Variants in C13orf42 observed in about 807,000 individuals in gnomAD.
C13orf42 encodes the protein uncharacterized protein C13orf42.
intron 1 of C13orf42, among the ~76,000 whole-genome samples, chr13:51,154,146 G>A (rs910750975): frequency 9.2e-5 from 14 of 152,102 alleles, no homozygotes; most frequent in African/African-American, 2.2e-4. Flanking sequence ...GGGGTTCTTC[G>A]TGAGTAGCAT....
intron 1 of C13orf42, among the ~76,000 whole-genome samples, chr13:51,098,554 C>T (rs763838086): frequency 6.6e-6 from 1 of 152,134 alleles, no homozygotes; most frequent in Non-Finnish European, 1.5e-5. Flanking sequence ...GACCAATGAT[C>T]CTCAACCTCT....
chr13:51,143,405 G>T (rs935687857), intron 1 of C13orf42, among the ~76,000 whole-genome samples: 12 of 152,244 alleles, frequency 7.9e-5, no homozygotes, highest in African/African-American at 1.7e-4. Context: ...AGTATATGGA[G>T]CCCTGTGTCA....
At chr13:51,103,635 A>T (rs964499279) in intron 1 of C13orf42, among the ~76,000 whole-genome samples, 1 of 152,156 alleles carries the variant, frequency 6.6e-6, no homozygotes, top group Non-Finnish European at 1.5e-5. Context: ...CGGGAGGCAG[A>T]GGTTGCAGCA....
intron 1 of C13orf42, among the ~76,000 whole-genome samples, chr13:51,153,830 C>T (rs1294046151): frequency 2.6e-5 from 4 of 151,714 alleles, no homozygotes; most frequent in African/African-American, 9.7e-5. Context: ...GAAAGGATTT[C>T]GCCATGTTGT....
upstream of C13orf42, chr13:51,113,090 A>C (rs1953451079): frequency 6.6e-6 from 1 of 152,234 alleles, no homozygotes; most frequent in Non-Finnish European, 1.5e-5. Context: ...TAAATCAATA[A>C]AAATGAAGTC....
intron 1 of C13orf42, chr13:51,161,848 T>C (rs936249741): frequency 2.2e-6 from 1 of 447,728 alleles, no homozygotes; most frequent in African/African-American, 2.0e-5. Flanking sequence ...TCCACAGCAC[T>C]CTCAGAGCCC....
At chr13:51,090,164 C>A (rs1953167639) in intron 1 of C13orf42, among the ~76,000 whole-genome samples, 1 of 152,144 alleles carries the variant, frequency 6.6e-6, no homozygotes, top group South Asian at 2.1e-4. Flanking sequence ...GGTAGGTCCA[C>A]ACTTGTTTAT....
rs1953075571 is a variant in C13orf42 at position 51,082,495 on chromosome 13, T to G, written c.*1656A>C. On this transcript the variant is annotated 3_prime_UTR_variant, in exon 4 of 4. Coordinates refer to ENST00000563710, the MANE Select transcript of C13orf42 (RefSeq NM_001351589.3). ...TCACCACATAATTTCAGGGTGGATC[T>G]ATGATAAACTGTAGTTTGATAAGAG... is the stretch of plus-strand genomic sequence containing the variant. The G allele has an allele frequency of 6.6e-6, 1 of 152,236 alleles. No homozygotes were observed. Among genetic ancestry groups the G allele is most frequent in the Non-Finnish European group, 1.5e-5 (1 of 68,036 alleles). The allele number at this position is 152,236 out of a possible 1,614,324, so 9.4% of individuals were successfully genotyped here. A position where few individuals can be genotyped will look rare whatever the true frequency, so the allele number is the denominator to read the frequency against.
At chr13:51,119,709 T>C (rs9596458) in intron 1 of C13orf42, among the ~76,000 whole-genome samples, 14,508 of 151,976 alleles carry the variant, frequency 0.095, 1,035 homozygotes, top group South Asian at 0.27. Context: ...GTAATGAAAT[T>C]CATAGAGACA....
Position 51,110,897 on chromosome 13 carries a change from C to T in C13orf42, c.313G>A (p.Asp105Asn). The T allele has an allele frequency of 2.5e-6, 1 of 398,650 alleles. No individual in the cohort carries two copies. Among genetic ancestry groups the T allele is most frequent in the Non-Finnish European group, 4.4e-6 (1 of 226,066 alleles). 24.7% of individuals were successfully genotyped at this position (398,650 alleles called of 1,614,324 possible). ...CCCTGGGTGCGGTGGGGCTTCAGAT[C>T]ACTGAAGCTGCTGAGATATTTTTTG... ...LRKKYLSSFS[D>N]LKPHRTQGIS... The change falls in exon 1 of 4, where the codon GAT becomes AAT. Residue 105 changes from aspartate (D) to asparagine (N), a missense_variant. Transcript: ENST00000563710.
intron 1 of C13orf42, among the ~76,000 whole-genome samples, chr13:51,148,487 G>A (rs1346328019): frequency 6.6e-6 from 1 of 152,230 alleles, no homozygotes; most frequent in Non-Finnish European, 1.5e-5. Context: ...ACAGGGAGGT[G>A]ACATTTCAGT....
At chr13:51,148,125 G>A (rs544544500) in intron 1 of C13orf42, among the ~76,000 whole-genome samples, 2 of 152,294 alleles carry the variant, frequency 1.3e-5, no homozygotes, top group South Asian at 2.1e-4. Flanking sequence ...TGTGATTTCC[G>A]TAAAATCCCA....
intron 1 of C13orf42, among the ~76,000 whole-genome samples, chr13:51,119,197 G>A (rs755595789): frequency 1.1e-4 from 16 of 152,012 alleles, no homozygotes; most frequent in Non-Finnish European, 1.9e-4. Context: ...TGTATGGCAC[G>A]CCCTGTGGCT....
At chr13:51,160,299 G>A (rs935221251) in intron 1 of C13orf42, among the ~76,000 whole-genome samples, 1 of 152,196 alleles carries the variant, frequency 6.6e-6, no homozygotes, top group Admixed American at 6.5e-5. Flanking sequence ...GATCACCTGA[G>A]GTCAGGAGTT....
chr13:51,121,693 G>A (rs1395422564), intron 1 of C13orf42, among the ~76,000 whole-genome samples: 1 of 151,942 alleles, frequency 6.6e-6, no homozygotes, highest in Non-Finnish European at 1.5e-5. Flanking sequence ...GTGCCACCAC[G>A]CCTGGCTAAT....
chr13:51,160,457 C>T (rs1953855724), intron 1 of C13orf42, among the ~76,000 whole-genome samples: 3 of 152,148 alleles, frequency 2.0e-5, no homozygotes, highest in Non-Finnish European at 2.9e-5. Flanking sequence ...TGCAGTGAGC[C>T]GTGATTGCAC....
chr13:51,090,076 G>A (rs1953166836), intron 1 of C13orf42, among the ~76,000 whole-genome samples: 1 of 152,036 alleles, frequency 6.6e-6, no homozygotes, highest in Non-Finnish European at 1.5e-5. Flanking sequence ...AAAACCAGGA[G>A]GCTCAGTCTC....
intron 1 of C13orf42, among the ~76,000 whole-genome samples, chr13:51,150,302 G>A (rs1334296387): frequency 6.6e-6 from 1 of 152,192 alleles, no homozygotes; most frequent in Non-Finnish European, 1.5e-5. Flanking sequence ...GTCATTGTAT[G>A]TCACAATTTT....
At position 51,128,301 on chromosome 13, in the gene C13orf42, C is replaced by T. The variant is rs578153252; in HGVS notation, n.137-15079G>A. Among the ~76,000 whole-genome samples the T allele has an allele frequency of 4.6e-5, 7 of 152,298 alleles. No homozygotes were observed. In the South Asian group the frequency reaches 6.2e-4, roughly 14 times the overall value. On this transcript the variant is annotated intron_variant and non_coding_transcript_variant, in intron 1 of 4. Transcript: ENST00000433280. ...GACTTGCCCTGAATTCTCTCTTGTG[C>T]GAGATCCAAGAACCTTCTCTTGGGA...
Sources: allele counts gnomAD v4.1 joint callset (sites outside exome capture counted in the v4.1 genomes callset), GRCh38; gene constraint gnomAD v4.1.1; transcripts MANE v1.5; gene names NCBI Gene and HGNC (gene_info 2026-07-23, HGNC 2026-07-21).